Variants in RIMS2 observed in about 807,000 individuals in gnomAD.
RIMS2 encodes the protein regulating synaptic membrane exocytosis 2, also known as regulating synaptic membrane exocytosis protein 2.
In RIMS2, 59 loss-of-function variants were observed where a neutral mutation model predicts 174.4. That is an observed-to-expected ratio of 0.34 (90% CI 0.27 to 0.42). The LOEUF is 0.42. RIMS2 is among the 10% of genes least tolerant of loss of function. The pLI is 1.00. For missense variants in RIMS2, 1,620 were observed against 1,666.3 expected (o/e 0.97, Z 0.48); for synonymous variants, 606 against 572.5 (o/e 1.06, Z -0.84).
At chr8:103,886,275 T>A (rs756857989) in intron 4 of RIMS2, 52 bp downstream of exon 7, 1 of 1,452,854 alleles carries the variant, frequency 6.9e-7, no homozygotes, top group Non-Finnish European at 9.2e-7. Flanking sequence ...AAGCGTTTTT[T>A]TTAATAGATT....
intron 3 of RIMS2, among the ~76,000 whole-genome samples, chr8:103,806,245 A>G (rs1171923404): frequency 6.6e-6 from 1 of 152,190 alleles, no homozygotes; most frequent in Non-Finnish European, 1.5e-5. Context: ...CTCAGAAAAC[A>G]TAAGGCTTAA....
intron 1 of RIMS2, among the ~76,000 whole-genome samples, chr8:103,642,746 T>C (rs1379217137): frequency 6.6e-6 from 1 of 152,016 alleles, no homozygotes; most frequent in Non-Finnish European, 1.5e-5. Flanking sequence ...TATTTCATTC[T>C]ACCTTTTTCT....
At position 103,501,181 on chromosome 8, in the gene RIMS2, C is replaced by T. The variant is rs1461226146; in HGVS notation, c.176+119C>T. The T allele has an allele frequency of 8.9e-6, 6 of 676,616 alleles. No individual in the cohort carries two copies. In the East Asian group the frequency reaches 1.1e-4, roughly 12 times the overall value. The allele number at this position is 676,616 out of a possible 1,614,324, so 41.9% of individuals were successfully genotyped here. ...CTCCCTCCCGCTGGCGGCGCCCAGG[C>T]CACGAGGGCTGCGGCCAGCGCCGGC... On this transcript the variant is annotated intron_variant, in intron 1 of 23. Transcript: ENST00000504942.
intron 1 of RIMS2, among the ~76,000 whole-genome samples, chr8:103,517,262 C>A (rs966398862): frequency 6.6e-6 from 1 of 152,078 alleles, no homozygotes; most frequent in African/African-American, 2.4e-5. Flanking sequence ...ACTGGCCTTG[C>A]AGGAAAAAGT....
intron 3 of RIMS2, among the ~76,000 whole-genome samples, chr8:103,868,647 A>T (rs1220005988): frequency 1.3e-5 from 2 of 152,130 alleles, no homozygotes; most frequent in Admixed American, 1.3e-4. Context: ...AGACAGTATT[A>T]TGCAAATTAA....
At chr8:103,727,966 T>A (rs2097544367) in intron 2 of RIMS2, among the ~76,000 whole-genome samples, 1 of 152,136 alleles carries the variant, frequency 6.6e-6, no homozygotes, top group African/African-American at 2.4e-5. Flanking sequence ...TTTTTATTTC[T>A]GTGAAGAATG....
intron 19 of RIMS2, among the ~76,000 whole-genome samples, chr8:104,031,280 A>G (rs762289574): frequency 6.6e-6 from 1 of 152,140 alleles, no homozygotes; most frequent in Admixed American, 6.6e-5. Flanking sequence ...GTAATTCTAT[A>G]TAAACATTTC....
intron 17 of RIMS2, among the ~76,000 whole-genome samples, chr8:103,991,613 AAGAG>A (rs1019382529): frequency 2.8e-4 from 43 of 152,130 alleles, no homozygotes; most frequent in African/African-American, 1.0e-3. Context: ...TAAAAAGCCT[AAGAG>A]AGAATTTCCT....
At chr8:104,228,799 A>G (rs978112599) in intron 19 of RIMS2, among the ~76,000 whole-genome samples, 1 of 152,216 alleles carries the variant, frequency 6.6e-6, no homozygotes, top group African/African-American at 2.4e-5. Context: ...TTTCTAGATT[A>G]TGTGTAACAA....
At chr8:104,178,860 C>T (rs929260994) in intron 19 of RIMS2, among the ~76,000 whole-genome samples, 4 of 151,968 alleles carry the variant, frequency 2.6e-5, no homozygotes, top group African/African-American at 9.7e-5. Context: ...GTGGTAGCAA[C>T]AGCAGTTAGA....
intron 4 of RIMS2, among the ~76,000 whole-genome samples, chr8:103,898,880 C>T (rs992589736): frequency 8.6e-5 from 13 of 151,296 alleles, no homozygotes; most frequent in Non-Finnish European, 1.9e-4. Context: ...CCACTCCCCC[C>T]ACCCCACAAC....
At chr8:103,751,192 C>A (rs1452315689) in intron 2 of RIMS2, among the ~76,000 whole-genome samples, 2 of 152,046 alleles carry the variant, frequency 1.3e-5, no homozygotes, top group Non-Finnish European at 2.9e-5. Context: ...TGAGAACATG[C>A]GGTGTTTGGT....
intron 1 of RIMS2, among the ~76,000 whole-genome samples, chr8:103,554,289 C>A (rs780511882): frequency 6.6e-6 from 1 of 152,126 alleles, no homozygotes; most frequent in Non-Finnish European, 1.5e-5. Flanking sequence ...GCATACTATG[C>A]ATCCAGCAAA....
intron 1 of RIMS2, among the ~76,000 whole-genome samples, chr8:103,558,685 A>T (rs1293121084): frequency 6.6e-6 from 1 of 151,834 alleles, no homozygotes; most frequent in African/African-American, 2.4e-5. Context: ...TCCTCCTTTG[A>T]GATTGTAAAT....
intron 19 of RIMS2, among the ~76,000 whole-genome samples, chr8:104,108,510 G>A (rs970406280): frequency 5.3e-5 from 8 of 151,818 alleles, no homozygotes; most frequent in Non-Finnish European, 1.0e-4. Flanking sequence ...GCGTGCCCAG[G>A]CTGGTCTCAA....
At chr8:103,613,317 G>A (rs1463836061) in intron 1 of RIMS2, among the ~76,000 whole-genome samples, 1 of 152,132 alleles carries the variant, frequency 6.6e-6, no homozygotes, top group Non-Finnish European at 1.5e-5. Flanking sequence ...ATCCCTGTGG[G>A]CACACTAACC....
chr8:103,927,837 A>G lies in RIMS2; in HGVS notation c.2197-5A>G, dbSNP rs1238541799. The G allele has an allele frequency of 1.9e-6, 3 of 1,604,890 alleles. No individual in the cohort carries two copies. In the East Asian group the frequency reaches 6.7e-5, roughly 36 times the overall value. On this transcript the variant is annotated splice_region_variant and splice_polypyrimidine_tract_variant and intron_variant, in intron 10 of 23. Coordinates refer to ENST00000504942, the Ensembl canonical transcript of RIMS2. ...ATTGCTTTTTTCTTTAATTTTGCTTACCAGAGCCAAAGCCTTAGTAGAAGA... is the reference window on the plus strand; with the variant it reads ...ATTGCTTTTTTCTTTAATTTTGCTTGCCAGAGCCAAAGCCTTAGTAGAAGA...
At chr8:104,117,133 G>T (rs1230645516) in intron 19 of RIMS2, among the ~76,000 whole-genome samples, 2 of 151,924 alleles carry the variant, frequency 1.3e-5, no homozygotes, top group African/African-American at 2.4e-5. Flanking sequence ...AGGATCACTG[G>T]AACCCAAGAG....
chr8:103,600,482 G>C (rs1301373923), intron 1 of RIMS2, among the ~76,000 whole-genome samples: 2 of 152,138 alleles, frequency 1.3e-5, no homozygotes, highest in African/African-American at 4.8e-5. Context: ...TATTGGCGAG[G>C]CTGGTCTTGA....
Sources: gnomAD v4.1 joint callset for allele counts (sites outside exome capture counted in the v4.1 genomes callset) on GRCh38, gnomAD v4.1.1 for gene constraint, MANE v1.5 for transcripts, NCBI Gene and HGNC (gene_info 2026-07-23, HGNC 2026-07-21) for gene names.